KATNAL1: variants seen among roughly 807,000 people sequenced by gnomAD.
KATNAL1 encodes the protein katanin p60 ATPase-containing subunit A-like 1.
In KATNAL1, 32 loss-of-function variants were observed where a neutral mutation model predicts 55.2. The observed-to-expected ratio is 0.58, with a 90% CI of 0.44 to 0.78. The LOEUF (loss-of-function observed/expected upper bound fraction) is 0.78, where lower values mean the gene tolerates loss of function less well. Ranked by LOEUF, KATNAL1 falls within the 30% of genes least tolerant of loss-of-function variation. The pLI is 0.00. For synonymous variants in KATNAL1, 193 were observed against 193.6 expected (o/e 1.00, Z 0.02); for missense variants, 466 against 600.9 (o/e 0.78, Z 2.35).
At position 30,304,490 on chromosome 13, in the gene KATNAL1, G is replaced by A. The variant is rs142696776; in HGVS notation, c.-15+2841C>T. Among the ~76,000 whole-genome samples the A allele has an allele frequency of 3.9e-5, 6 of 152,140 alleles. No individual in the cohort carries two copies. In the East Asian group the frequency reaches 9.7e-4, roughly 25 times the overall value. Reference sequence around the variant, plus strand: ...TCACCATCTTGGCCAGGATGGTCTCGATCTCTTGATCTCCTGATCTGCCCG... The same window carrying A: ...TCACCATCTTGGCCAGGATGGTCTCAATCTCTTGATCTCCTGATCTGCCCG... On this transcript the variant is annotated intron_variant, in intron 1 of 10. Transcript: ENST00000380615.
intron 6 of KATNAL1, among the ~76,000 whole-genome samples, chr13:30,234,060 T>C (rs1023415520): frequency 6.6e-6 from 1 of 152,220 alleles, no homozygotes; most frequent in Non-Finnish European, 1.5e-5. Context: ...AGAGAATAAT[T>C]TGAATGTTCT....
intron 8 of KATNAL1, among the ~76,000 whole-genome samples, chr13:30,230,243 A>G (rs1432507244): frequency 1.3e-5 from 2 of 152,240 alleles, no homozygotes; most frequent in Non-Finnish European, 2.9e-5. Context: ...AGCTCCTTGA[A>G]GGCCATAGTA....
At chr13:30,218,831 C>A (rs1415527807) in intron 9 of KATNAL1, among the ~76,000 whole-genome samples, 2 of 152,096 alleles carry the variant, frequency 1.3e-5, no homozygotes, top group Non-Finnish European at 2.9e-5. Flanking sequence ...GGAGTCACCC[C>A]CAACCACGAC....
At chr13:30,220,899 A>G (rs1874789184) in intron 9 of KATNAL1, among the ~76,000 whole-genome samples, 1 of 149,166 alleles carries the variant, frequency 6.7e-6, no homozygotes. Flanking sequence ...AGGGTTTCTC[A>G]TATCGGTCAG....
intron 1 of KATNAL1, among the ~76,000 whole-genome samples, chr13:30,285,624 C>T (rs1448306946): frequency 6.6e-6 from 1 of 152,176 alleles, no homozygotes; most frequent in Non-Finnish European, 1.5e-5. Context: ...AGGACTAATA[C>T]AGTAGACTAG....
At chr13:30,270,829 T>A (rs1407398335) in intron 3 of KATNAL1, among the ~76,000 whole-genome samples, 51 of 151,086 alleles carry the variant, frequency 3.4e-4, no homozygotes, top group African/African-American at 1.1e-3. Flanking sequence ...TTCACTTGTT[T>A]ATCTGCTGAC....
intron 9 of KATNAL1, among the ~76,000 whole-genome samples, chr13:30,217,507 T>A (rs1488889787): frequency 6.6e-6 from 1 of 152,230 alleles, no homozygotes; most frequent in African/African-American, 2.4e-5. Context: ...TAACAAGGGA[T>A]TAATGTGTTG....
intron 1 of KATNAL1, among the ~76,000 whole-genome samples, chr13:30,289,373 A>G (rs147728031): frequency 2.6e-5 from 4 of 152,332 alleles, no homozygotes; most frequent in African/African-American, 7.2e-5. Context: ...TGTTGTAACC[A>G]ACACAATTTA....
At chr13:30,303,723 T>C (rs1194992410) in intron 1 of KATNAL1, among the ~76,000 whole-genome samples, 1 of 152,242 alleles carries the variant, frequency 6.6e-6, no homozygotes, top group African/African-American at 2.4e-5. Flanking sequence ...TCATATTATC[T>C]AGTGGAACTT....
intron 9 of KATNAL1, among the ~76,000 whole-genome samples, chr13:30,220,289 C>A (rs1412829261): frequency 1.3e-5 from 2 of 151,946 alleles, no homozygotes; most frequent in East Asian, 3.9e-4. Flanking sequence ...GGTGAAACCC[C>A]GTCTCTACTA....
intron 3 of KATNAL1, among the ~76,000 whole-genome samples, chr13:30,272,478 G>A (rs557435248): frequency 6.6e-6 from 1 of 152,262 alleles, no homozygotes; most frequent in South Asian, 2.1e-4. Flanking sequence ...AGTTTGCAAG[G>A]AAGAGGGGAG....
At position 30,226,224 on chromosome 13, in the gene KATNAL1, T is replaced by C. The variant is rs148329724; in HGVS notation, c.1147+1188A>G. Among the ~76,000 whole-genome samples the C allele has an allele frequency of 1.1e-3, 174 of 152,334 alleles. 1 individual carries two copies. The highest frequency in any genetic ancestry group is 4.0e-3 in the African/African-American group (168 of 41,576). On this transcript the variant is annotated intron_variant, in intron 9 of 10. Transcript: ENST00000380615. ...TCTGAAAAACAGTTTGGGTATTTCC[T>C]ATAAAAGCTAAACATATGCCTACCC...
intron 10 of KATNAL1, among the ~76,000 whole-genome samples, 182 bp downstream of exon 10, chr13:30,210,134 T>C (rs1280610197): frequency 6.6e-6 from 1 of 151,036 alleles, no homozygotes; most frequent in Admixed American, 6.6e-5. Context: ...TATATAATTT[T>C]CATCTCACAA....
chr13:30,274,753 C>G (rs745538178), intron 3 of KATNAL1, among the ~76,000 whole-genome samples: 2 of 151,972 alleles, frequency 1.3e-5, no homozygotes, highest in Non-Finnish European at 2.9e-5. Context: ...ATCAGTGTGT[C>G]AGATCTCTGC....
chr13:30,216,475 C>T (rs1203138458), intron 9 of KATNAL1, among the ~76,000 whole-genome samples: 1 of 152,152 alleles, frequency 6.6e-6, no homozygotes, highest in Non-Finnish European at 1.5e-5. Flanking sequence ...CACAGTGAGA[C>T]CAAGCAGAGC....
At chr13:30,212,541 A>C (rs937275433) in intron 9 of KATNAL1, among the ~76,000 whole-genome samples, 2 of 152,182 alleles carry the variant, frequency 1.3e-5, no homozygotes, top group East Asian at 3.9e-4. Context: ...GCTCAAGCAA[A>C]ACTCCAGCAA....
intron 9 of KATNAL1, among the ~76,000 whole-genome samples, chr13:30,215,444 T>C (rs1874122179): frequency 6.6e-6 from 1 of 152,190 alleles, no homozygotes; most frequent in Admixed American, 6.5e-5. Flanking sequence ...CAAAGGACTA[T>C]AAATCATGCT....
rs892672418 is a variant in KATNAL1 at position 30,210,526 on chromosome 13, A to G, written c.1148-84T>C. 9.9e-5 allele frequency: 124 copies of G among 1,256,934 alleles called. 1 individual carries two copies. The Admixed American group carries it at 2.5e-3, about 25-fold the overall frequency. 77.9% of individuals were successfully genotyped at this position (1,256,934 alleles called of 1,614,324 possible). On this transcript the variant is annotated intron_variant, in intron 9 of 10. Coordinates refer to ENST00000380615, the MANE Select transcript of KATNAL1 (RefSeq NM_032116.5). ...GAAATGACATATTAACATTTGGGGG[A>G]AAAATGAGGCCAATGCAAAGAAGAG...
intron 3 of KATNAL1, among the ~76,000 whole-genome samples, chr13:30,271,878 G>GAAAAAAAAAAAAAAAAAAAAAAAGAA (rs71299873): frequency 1.3e-5 from 1 of 76,792 alleles, no homozygotes; most frequent in Non-Finnish European, 2.5e-5. Flanking sequence ...AAGAAAAGAG[G>GAAAAAAAAAAAAAAAAAAAAAAAGAA]AAAAAAAAAA....
Sources: gnomAD v4.1 joint callset for allele counts (sites outside exome capture counted in the v4.1 genomes callset) on GRCh38, gnomAD v4.1.1 for gene constraint, MANE v1.5 for transcripts, NCBI Gene and HGNC (gene_info 2026-07-23, HGNC 2026-07-21) for gene names.